The following ACACA variants were observed in gnomAD, a reference collection of about 807,000 sequenced individuals.
ACACA encodes the protein acetyl-CoA carboxylase 1.
In ACACA, 103 loss-of-function variants were observed where a neutral mutation model predicts 296.1. The observed-to-expected ratio is 0.35, with a 90% CI of 0.30 to 0.41. The LOEUF is 0.41. Ranked by LOEUF, ACACA falls within the 10% of genes least tolerant of loss-of-function variation. ACACA has a pLI of 1.00. For synonymous variants in ACACA, 953 were observed against 1,038.6 expected (o/e 0.92, Z 1.58); for missense variants, 1,554 against 2,989.7 (o/e 0.52, Z 11.20).
chr17:37,295,688 G>A (rs2146795760), intron 3 of ACACA, among the ~76,000 whole-genome samples: 1 of 152,240 alleles, frequency 6.6e-6, no homozygotes, highest in Middle Eastern at 3.4e-3. Flanking sequence ...ACATTGGGAG[G>A]CTGAGGCGGG....
chr17:37,133,059 G>A lies in ACACA; in HGVS notation c.5680-2841C>T, dbSNP rs1281998800. Among the ~76,000 whole-genome samples the A allele has an allele frequency of 3.4e-4, 51 of 152,134 alleles. 1 individual carries two copies. Among genetic ancestry groups the A allele is most frequent in the Admixed American group, 3.3e-3 (51 of 15,268 alleles). The stretch of plus-strand genomic sequence containing the variant: ...TTAACATACCAAGAACATTATTTCT[G>A]AGCTAAAGAAGTGTTTGTCATGTGA... On this transcript the variant is annotated intron_variant, in intron 45 of 55. Transcript: ENST00000616317.
At chr17:37,221,975 GTA>G in intron 28 of ACACA, 133 bp from the exon 29 acceptor site, 3 of 735,388 alleles carry the variant, frequency 4.1e-6, no homozygotes, top group Non-Finnish European at 7.3e-6. Flanking sequence ...AAGGCCCTAT[GTA>G]TACGTACATA....
At chr17:37,146,358 C>T (rs1415806649) in intron 45 of ACACA, among the ~76,000 whole-genome samples, 5 of 141,306 alleles carry the variant, frequency 3.5e-5, no homozygotes, top group Non-Finnish European at 7.5e-5. Flanking sequence ...CAGGTTGCTG[C>T]ATTATGGGAG....
At chr17:37,104,797 G>A (rs993399632) in intron 52 of ACACA, among the ~76,000 whole-genome samples, 1 of 152,030 alleles carries the variant, frequency 6.6e-6, no homozygotes, top group African/African-American at 2.4e-5. Flanking sequence ...TAAAATTAGC[G>A]GAATGTGGTG....
intron 43 of ACACA, among the ~76,000 whole-genome samples, chr17:37,153,313 GTGTCTCAGGGCACCA>G (rs1282824010): frequency 9.2e-5 from 14 of 152,148 alleles, no homozygotes; most frequent in African/African-American, 3.4e-4. Context: ...TAACTATATT[GTGTCTCAGGGCACCA>G]TGATGAACTC....
At chr17:37,306,638 A>G (rs139299903) in intron 3 of ACACA, among the ~76,000 whole-genome samples, 1 of 152,204 alleles carries the variant, frequency 6.6e-6, no homozygotes, top group East Asian at 1.9e-4. Flanking sequence ...ATAGTGTTAT[A>G]TAATGTATGT....
At chr17:37,126,306 C>T (rs2074782590) in intron 47 of ACACA, among the ~76,000 whole-genome samples, 1 of 152,166 alleles carries the variant, frequency 6.6e-6, no homozygotes, top group South Asian at 2.1e-4. Context: ...CTCAGTTTCT[C>T]CGCTACAAAA....
chr17:37,384,934 A>C (rs1027166732), intron 1 of ACACA, among the ~76,000 whole-genome samples: 1 of 152,222 alleles, frequency 6.6e-6, no homozygotes, highest in African/African-American at 2.4e-5. Flanking sequence ...ATAAGCAATG[A>C]TATGAGACCA....
In ACACA at chr17:37,263,665, A is replaced by G. The variant is rs1235031125; in HGVS notation, c.1329+20T>C. The G allele has an allele frequency of 1.9e-6, 3 of 1,598,642 alleles. No individual in the cohort carries two copies. In the Admixed American group the frequency reaches 5.0e-5, roughly 27 times the overall value. On this transcript the variant is annotated intron_variant, in intron 11 of 55. Transcript: ENST00000616317. ...TGTTCTATGTAAGAAAACATAAAGTAAGCCTTTTAATATATGTACCTGTTC... is the reference window on the plus strand; with the variant it reads ...TGTTCTATGTAAGAAAACATAAAGTGAGCCTTTTAATATATGTACCTGTTC...
chr17:37,390,304 T>TTTTATATATATA (rs1201500381), intron 1 of ACACA, among the ~76,000 whole-genome samples: 3 of 17,988 alleles, frequency 1.7e-4, no homozygotes, highest in African/African-American at 1.1e-3. Flanking sequence ...TTATACATAA[T>TTTTATATATATA]TATATATATA....
chr17:37,382,502 TTAAACTC>T (rs1334970817), intron 1 of ACACA, among the ~76,000 whole-genome samples: 3 of 152,066 alleles, frequency 2.0e-5, no homozygotes, highest in African/African-American at 7.2e-5. Context: ...GGAAAAAACT[TTAAACTC>T]TAGACTAAAA....
chr17:37,242,879 T>C lies in ACACA; in HGVS notation c.2931+492A>G, dbSNP rs151000391. Among the ~76,000 whole-genome samples, 786 of 152,152 alleles carry C rather than the reference T, an allele frequency of 5.2e-3. 7 individuals are homozygous for C. Among genetic ancestry groups the C allele is most frequent in the African/African-American group, 0.018 (753 of 41,526 alleles). On this transcript the variant is annotated intron_variant, in intron 22 of 55. Coordinates refer to ENST00000616317, the MANE Select transcript of ACACA (RefSeq NM_198834.3). Reference sequence around the variant, plus strand: ...TGGTGAAACCCGTGACTACTAAAAATGCAAAAATTAGCTGGCATGGCAGCG... The same window carrying C: ...TGGTGAAACCCGTGACTACTAAAAACGCAAAAATTAGCTGGCATGGCAGCG...
chr17:37,274,069 A>T, intron 9 of ACACA, 124 bp downstream of exon 9: 1 of 807,360 alleles, frequency 1.2e-6, no homozygotes, highest in Non-Finnish European at 2.2e-6. Flanking sequence ...TTCAAACTAC[A>T]CCTCCTGGTC....
At chr17:37,092,613 G>C (rs1436460358) in intron 54 of ACACA, among the ~76,000 whole-genome samples, 1 of 152,174 alleles carries the variant, frequency 6.6e-6, no homozygotes, top group Non-Finnish European at 1.5e-5. Context: ...CTAACATACT[G>C]GATAGCTGTT....
At chr17:37,404,661 A>G (rs190390123) in intron 1 of ACACA, among the ~76,000 whole-genome samples, 147 of 134,224 alleles carry the variant, frequency 1.1e-3, no homozygotes, top group Admixed American at 3.9e-3. Context: ...TGCAACCTCC[A>G]CCTCCCAGGT....
intron 45 of ACACA, 51 bp downstream of exon 45, chr17:37,149,813 C>T: frequency 6.7e-7 from 1 of 1,491,216 alleles, no homozygotes; most frequent in Non-Finnish European, 9.4e-7. Context: ...AGAATTCACA[C>T]AATAATCTTC....
At chr17:37,370,289 A>C (rs1237444086) in intron 1 of ACACA, among the ~76,000 whole-genome samples, 1 of 151,816 alleles carries the variant, frequency 6.6e-6, no homozygotes, top group Non-Finnish European at 1.5e-5. Context: ...TACAGGTGTG[A>C]GCCACAGTGT....
chr17:37,106,805 C>G (rs1011942526), intron 52 of ACACA, among the ~76,000 whole-genome samples: 1 of 151,498 alleles, frequency 6.6e-6, no homozygotes, highest in Admixed American at 6.6e-5. Context: ...CTCTTGGGTT[C>G]CCTCTAACTA....
chr17:37,115,307 A>C (rs1338611634), intron 50 of ACACA, among the ~76,000 whole-genome samples: 1 of 152,236 alleles, frequency 6.6e-6, no homozygotes, highest in African/African-American at 2.4e-5. Context: ...TCTTTAGTGG[A>C]TATTTCAACC....
Sources: gnomAD v4.1 joint callset for allele counts (sites outside exome capture counted in the v4.1 genomes callset) on GRCh38, gnomAD v4.1.1 for gene constraint, MANE v1.5 for transcripts, NCBI Gene and HGNC (gene_info 2026-07-23, HGNC 2026-07-21) for gene names.